Variants in SUMF1 observed in about 807,000 individuals in gnomAD.
The protein encoded by SUMF1 is formylglycine-generating enzyme.
A neutral mutation model predicts 47.6 loss-of-function variants in SUMF1; 48 were observed. The observed-to-expected ratio is 1.01, with a 90% CI of 0.80 to 1.28. The LOEUF is 1.28. Among genes scored for constraint, SUMF1 ranks in the 50% most tolerant of loss-of-function variants. The pLI is 0.00. For synonymous variants in SUMF1, 230 were observed against 192.1 expected (o/e 1.20, Z -1.63); for missense variants, 571 against 485.4 (o/e 1.18, Z -1.66).
intron 9 of SUMF1, among the ~76,000 whole-genome samples, chr3:4,057,943 T>C (rs972436203): frequency 6.6e-6 from 1 of 152,152 alleles, no homozygotes; most frequent in Non-Finnish European, 1.5e-5. Context: ...AACAAGAGAT[T>C]CAAGGTGTTG....
At chr3:4,222,779 T>TCACA (rs1696095214) in intron 8 of SUMF1, among the ~76,000 whole-genome samples, 2 of 152,110 alleles carry the variant, frequency 1.3e-5, no homozygotes, top group Non-Finnish European at 1.5e-5. Flanking sequence ...ACAGGATTCC[T>TCACA]GAGTCATTGC....
intron 8 of SUMF1, among the ~76,000 whole-genome samples, chr3:4,132,025 A>G (rs1299235274): frequency 1.3e-5 from 2 of 152,158 alleles, no homozygotes; most frequent in African/African-American, 4.8e-5. Context: ...AGCCCTTGAT[A>G]TGGCACCATT....
At chr3:4,058,309 C>T (rs1676443305) in intron 9 of SUMF1, among the ~76,000 whole-genome samples, 1 of 152,154 alleles carries the variant, frequency 6.6e-6, no homozygotes, top group African/African-American at 2.4e-5. Flanking sequence ...TGCAAGCCCC[C>T]ACATCCATTC....
chr3:4,253,979 G>C lies in SUMF1; in HGVS notation c.1014+122351C>G, dbSNP rs542843486. Among the ~76,000 whole-genome samples, 50 of 150,904 alleles carry C rather than the reference G, an allele frequency of 3.3e-4. 1 individual carries two copies. Among genetic ancestry groups the C allele is most frequent in the Admixed American group, 2.0e-3 (31 of 15,192 alleles). On this transcript the variant is annotated intron_variant and NMD_transcript_variant, in intron 8 of 12. Coordinates refer to the SUMF1 transcript ENST00000448413. ...CCCTGACCCCCGAGCAGCCTAACTG[G>C]GAGGCACCCCCCAGCAAGGGCACAC...
intron 8 of SUMF1, among the ~76,000 whole-genome samples, chr3:4,279,860 A>G (rs1697492243): frequency 6.6e-6 from 1 of 152,314 alleles, no homozygotes; most frequent in South Asian, 2.1e-4. Context: ...GATGGCATAC[A>G]CACCAAAAAA....
chr3:4,415,226 C>CAAAA (rs35397535), intron 6 of SUMF1, among the ~76,000 whole-genome samples: 6 of 78,290 alleles, frequency 7.7e-5, no homozygotes, highest in African/African-American at 9.2e-5. Context: ...GACTCCATCT[C>CAAAA]AAAAAAAAAA....
chr3:4,176,353 T>C (rs1286167600), intron 8 of SUMF1, among the ~76,000 whole-genome samples: 1 of 152,156 alleles, frequency 6.6e-6, no homozygotes, highest in Non-Finnish European at 1.5e-5. Flanking sequence ...GCAGAAACCC[T>C]ACAAGCTAGA....
At chr3:4,239,707 C>A (rs545655578) in intron 8 of SUMF1, among the ~76,000 whole-genome samples, 38 of 152,254 alleles carry the variant, frequency 2.5e-4, no homozygotes, top group African/African-American at 8.4e-4. Flanking sequence ...ACAATCATAT[C>A]ATCTGCAAAC....
intron 8 of SUMF1, among the ~76,000 whole-genome samples, chr3:4,172,115 G>A (rs767159293): frequency 2.0e-5 from 3 of 152,082 alleles, no homozygotes; most frequent in Non-Finnish European, 4.4e-5. Context: ...TGCAAGTAGG[G>A]GGATGGAACG....
chr3:4,064,155 G>C (rs1188707934), intron 9 of SUMF1, among the ~76,000 whole-genome samples: 1 of 152,056 alleles, frequency 6.6e-6, no homozygotes, highest in Non-Finnish European at 1.5e-5. Context: ...TCAGTCATAG[G>C]ATGAGATAGG....
intron 8 of SUMF1, among the ~76,000 whole-genome samples, chr3:4,272,255 C>G (rs148684541): frequency 1.3e-3 from 191 of 152,292 alleles, no homozygotes; most frequent in African/African-American, 4.5e-3. Flanking sequence ...TTAGGAAAAG[C>G]TCGGGATCAA....
chr3:4,464,008 G>A (rs967399156), intron 1 of SUMF1, among the ~76,000 whole-genome samples: 2 of 152,122 alleles, frequency 1.3e-5, no homozygotes, highest in African/African-American at 2.4e-5. Context: ...AAAGCCCAGT[G>A]TTATTTCTCT....
At chr3:4,235,234 G>A (rs575233553) in intron 8 of SUMF1, among the ~76,000 whole-genome samples, 1 of 152,268 alleles carries the variant, frequency 6.6e-6, no homozygotes, top group South Asian at 2.1e-4. Flanking sequence ...ATAAGGGAGA[G>A]GAAGGAGTCA....
At chr3:4,447,513 C>T (rs1702820491) in intron 3 of SUMF1, among the ~76,000 whole-genome samples, 3 of 152,040 alleles carry the variant, frequency 2.0e-5, no homozygotes, top group Admixed American at 1.3e-4. Context: ...AAATCATCTC[C>T]CCTACTGCTC....
intron 3 of SUMF1, among the ~76,000 whole-genome samples, chr3:4,443,505 C>T (rs77704124): frequency 0.02 from 3,077 of 151,892 alleles, 36 homozygotes; most frequent in Admixed American, 0.025. Flanking sequence ...GGCTGATGCA[C>T]GTAATATCAG....
At chr3:4,419,074 C>T (rs974444867) in intron 4 of SUMF1, among the ~76,000 whole-genome samples, 3 of 152,230 alleles carry the variant, frequency 2.0e-5, no homozygotes, top group Non-Finnish European at 4.4e-5. Context: ...AACAGAGGTA[C>T]TCTTCTCAGA....
intron 8 of SUMF1, among the ~76,000 whole-genome samples, chr3:4,197,665 C>A (rs1574970189): frequency 6.6e-6 from 1 of 152,230 alleles, no homozygotes; most frequent in East Asian, 1.9e-4. Context: ...TTTAGCAAGT[C>A]TGTTCTGACA....
At chr3:4,187,804 TG>T (rs2125139376) in intron 8 of SUMF1, among the ~76,000 whole-genome samples, 1 of 152,322 alleles carries the variant, frequency 6.6e-6, no homozygotes, top group South Asian at 2.1e-4. Flanking sequence ...CCTAAGCTGA[TG>T]GTTTGTCTTA....
At chr3:4,056,573 G>A (rs532473537) in intron 9 of SUMF1, among the ~76,000 whole-genome samples, 6 of 151,988 alleles carry the variant, frequency 3.9e-5, no homozygotes, top group East Asian at 3.9e-4. Flanking sequence ...TGGGAGGATC[G>A]CTTGAGCCTA....
Sources: allele counts gnomAD v4.1 joint callset (sites outside exome capture counted in the v4.1 genomes callset), GRCh38; gene constraint gnomAD v4.1.1; transcripts MANE v1.5; gene names NCBI Gene and HGNC (gene_info 2026-07-23, HGNC 2026-07-21).